Variants in PPHLN1 observed in about 807,000 individuals in gnomAD.
The protein encoded by PPHLN1 is periphilin-1.
A neutral mutation model predicts 51.3 loss-of-function variants in PPHLN1; 29 were observed. The ratio of observed to expected loss-of-function variants is 0.57; its 90% CI spans 0.42 to 0.77. The LOEUF is 0.77. Ranked by LOEUF, PPHLN1 falls within the 30% of genes least tolerant of loss-of-function variation. The pLI is 0.00. For synonymous variants in PPHLN1, 147 were observed against 147.8 expected (o/e 0.99, Z 0.04); for missense variants, 436 against 438.4 (o/e 0.99, Z 0.05).
At chr12:42,333,631 C>A (rs1301409764) in intron 1 of PPHLN1, among the ~76,000 whole-genome samples, 1 of 151,952 alleles carries the variant, frequency 6.6e-6, no homozygotes, top group Non-Finnish European at 1.5e-5. Context: ...TACAGGCGCC[C>A]GCCACCACGC....
At chr12:42,446,733 C>T, downstream of PPHLN1, 2 of 1,366,160 alleles carry the variant, frequency 1.5e-6, no homozygotes, top group Non-Finnish European at 9.9e-7. Context: ...GTAGGAGAAG[C>T]TATAAGGAAA....
intron 9 of PPHLN1, among the ~76,000 whole-genome samples, chr12:42,439,327 C>G (rs2139980321): frequency 1.3e-5 from 2 of 152,306 alleles, no homozygotes; most frequent in South Asian, 2.1e-4. Flanking sequence ...ACGTAACTGT[C>G]AAGTTGAAGA....
chr12:42,338,188 A>G (rs1394072535), intron 2 of PPHLN1, among the ~76,000 whole-genome samples: 1 of 152,136 alleles, frequency 6.6e-6, no homozygotes, highest in Non-Finnish European at 1.5e-5. Context: ...TGGCCTCTCA[A>G]AGTGCTGGGA....
intron 1 of PPHLN1, among the ~76,000 whole-genome samples, chr12:42,329,669 C>T (rs2137641780): frequency 6.6e-6 from 1 of 152,040 alleles, no homozygotes; most frequent in East Asian, 1.9e-4. Flanking sequence ...TATGTGGTAT[C>T]TTAGATTATT....
intron 9 of PPHLN1, among the ~76,000 whole-genome samples, chr12:42,426,531 CCA>C (rs1566011500): frequency 6.6e-6 from 1 of 152,088 alleles, no homozygotes; most frequent in Admixed American, 6.6e-5. Flanking sequence ...GCCAATAACT[CCA>C]GAGTGCTTTT....
chr12:42,416,214 T>G (rs2080370155), intron 9 of PPHLN1, among the ~76,000 whole-genome samples: 1 of 152,210 alleles, frequency 6.6e-6, no homozygotes, highest in Non-Finnish European at 1.5e-5. Flanking sequence ...ATTCTCCCAT[T>G]CTACTTCCCA....
chr12:42,346,294 G>GT lies in PPHLN1; in HGVS notation c.73-5583dup, dbSNP rs903452996. On this transcript the variant is annotated intron_variant, in intron 2 of 9. Transcript: ENST00000358314. ...TCTCTGTGTATTTGAGCTCTTTTTT[G>GT]TTTTTTTTAAATTCCACATATAAAT... 9.3e-5 allele frequency among the ~76,000 whole-genome samples: 14 copies of GT among 150,298 alleles called. 1 individual carries two copies. The South Asian group carries it at 2.1e-3, about 23-fold the overall frequency.
chr12:42,440,844 G>A (rs1329433888), intron 9 of PPHLN1, among the ~76,000 whole-genome samples: 5 of 152,314 alleles, frequency 3.3e-5, no homozygotes, highest in African/African-American at 1.2e-4. Flanking sequence ...TTCCCAAATT[G>A]CTAAGCTAAC....
At chr12:42,376,349 C>G (rs2076262918) in intron 5 of PPHLN1, among the ~76,000 whole-genome samples, 1 of 152,182 alleles carries the variant, frequency 6.6e-6, no homozygotes. Flanking sequence ...TCCCTTGAAG[C>G]TGTTGCAAGA....
chr12:42,362,007 G>T (rs2074745878), intron 4 of PPHLN1, among the ~76,000 whole-genome samples: 2 of 152,160 alleles, frequency 1.3e-5, no homozygotes, highest in Non-Finnish European at 2.9e-5. Flanking sequence ...AATGTATAAA[G>T]TTCCCAGTTG....
chr12:42,355,749 TAA>T (rs5797790), intron 4 of PPHLN1: 1,565 of 109,780 alleles, frequency 0.014, 21 homozygotes, highest in African/African-American at 0.047. Context: ...AGACTCCGTC[TAA>T]AAAAAAAAAA....
chr12:42,400,420 ATC>A (rs1282841187), intron 9 of PPHLN1: 2 of 143,188 alleles, frequency 1.4e-5, no homozygotes, highest in Non-Finnish European at 3.0e-5. Flanking sequence ...GTGAGCCGAG[ATC>A]CCGCCACTGC....
Position 42,397,539 on chromosome 12 carries a change from CATT to C in PPHLN1, c.769-1314_769-1312del, listed in dbSNP as rs1565933193. Among the ~76,000 whole-genome samples, 376 of 152,074 alleles carry C rather than the reference CATT, an allele frequency of 2.5e-3. 13 individuals are homozygous for C. In the East Asian group the frequency reaches 0.056, roughly 23 times the overall value. On this transcript the variant is annotated intron_variant, in intron 8 of 9. Transcript: ENST00000358314. Reference sequence around the variant, plus strand: ...TACTTTCTTTGCTCACCAGTTTACACATTGTGTATAGGCCTATGTCTTAGTTTT... The same window carrying C: ...TACTTTCTTTGCTCACCAGTTTACACGTGTATAGGCCTATGTCTTAGTTTT...
chr12:42,423,957 G>A (rs1316385126), intron 9 of PPHLN1, among the ~76,000 whole-genome samples: 4 of 152,102 alleles, frequency 2.6e-5, no homozygotes, highest in East Asian at 3.8e-4. Context: ...GATTATAGAC[G>A]TGAGCCACTG....
intron 9 of PPHLN1, among the ~76,000 whole-genome samples, chr12:42,426,228 A>ACACACACACACC (rs371819974): frequency 5.7e-4 from 74 of 129,868 alleles, no homozygotes; most frequent in African/African-American, 1.0e-3. Flanking sequence ...ACACACACAC[A>ACACACACACACC]CCCTCATGCA....
chr12:42,429,310 A>T (rs975529066), intron 9 of PPHLN1, among the ~76,000 whole-genome samples: 2 of 152,186 alleles, frequency 1.3e-5, no homozygotes, highest in African/African-American at 2.4e-5. Flanking sequence ...CTTTTGAATG[A>T]GAGAAAAAAT....
chr12:42,444,853 T>C (rs1174803875), downstream of PPHLN1: 4 of 578,888 alleles, frequency 6.9e-6, no homozygotes, highest in Non-Finnish European at 1.2e-5. Flanking sequence ...AACGCTGTAA[T>C]GCTTTTTACC....
At chr12:42,426,184 A>ACACG (rs1489721084) in intron 9 of PPHLN1, among the ~76,000 whole-genome samples, 1 of 62,118 alleles carries the variant, frequency 1.6e-5, no homozygotes. Context: ...ACACACACAC[A>ACACG]CACACACACA....
intron 9 of PPHLN1, among the ~76,000 whole-genome samples, chr12:42,430,007 G>A (rs1232009143): frequency 9.4e-6 from 1 of 106,872 alleles, no homozygotes; most frequent in African/African-American, 3.6e-5. Flanking sequence ...AAAGTGATGT[G>A]TCTTTTTGTA....
Sources: allele counts gnomAD v4.1 joint callset (sites outside exome capture counted in the v4.1 genomes callset), GRCh38; gene constraint gnomAD v4.1.1; transcripts MANE v1.5; gene names NCBI Gene and HGNC (gene_info 2026-07-23, HGNC 2026-07-21).